PTPRD: variants seen among roughly 807,000 people sequenced by gnomAD.
PTPRD encodes the protein protein tyrosine phosphatase receptor type D.
Under a neutral mutation model 214.5 loss-of-function variants are expected in PTPRD, and 34 were observed. That is an observed-to-expected ratio of 0.16 (90% CI 0.12 to 0.21). The LOEUF (loss-of-function observed/expected upper bound fraction) is 0.21, where lower values mean the gene tolerates loss of function less well. Ranked by LOEUF, PTPRD falls within the 10% of genes least tolerant of loss-of-function variation. The pLI, the probability that PTPRD is intolerant of heterozygous loss-of-function variation, is 1.00. For synonymous variants in PTPRD, 1,128 were observed against 845.7 expected, an observed-to-expected ratio of 1.33 and a Z score of -5.79; for missense variants, 2,545 against 2,398.7, an observed-to-expected ratio of 1.06 and a Z score of -1.27.
intron 44 of PTPRD, among the ~76,000 whole-genome samples, chr9:8,326,147 T>G (rs111930591): frequency 6.6e-6 from 1 of 152,170 alleles, no homozygotes; most frequent in Non-Finnish European, 1.5e-5. Flanking sequence ...TCTCTTGTGC[T>G]ACTTTTCAAA....
At chr9:8,481,908 G>C (rs1477510579) in intron 30 of PTPRD, among the ~76,000 whole-genome samples, 1 of 152,104 alleles carries the variant, frequency 6.6e-6, no homozygotes, top group Non-Finnish European at 1.5e-5. Flanking sequence ...TCAGTCTCCT[G>C]AGTAGCTGGG....
intron 3 of PTPRD, among the ~76,000 whole-genome samples, chr9:10,111,469 A>T (rs921991966): frequency 6.6e-6 from 1 of 150,570 alleles, no homozygotes; most frequent in South Asian, 2.1e-4. Flanking sequence ...CGATCTCCTG[A>T]CCTCGTGATC....
intron 30 of PTPRD, among the ~76,000 whole-genome samples, chr9:8,471,358 T>C (rs1712083640): frequency 6.6e-6 from 1 of 152,044 alleles, no homozygotes; most frequent in African/African-American, 2.4e-5. Flanking sequence ...GCAGGCATAG[T>C]TTGTTAGGGC....
chr9:9,901,943 G>A (rs2076498973), intron 5 of PTPRD, among the ~76,000 whole-genome samples: 1 of 152,180 alleles, frequency 6.6e-6, no homozygotes, highest in African/African-American at 2.4e-5. Context: ...TTTTTATTTA[G>A]ATAGTCGTTA....
At chr9:10,484,123 A>G (rs1177090956) in intron 2 of PTPRD, among the ~76,000 whole-genome samples, 1 of 152,124 alleles carries the variant, frequency 6.6e-6, no homozygotes, top group Admixed American at 6.5e-5. Context: ...GTCATAAAAA[A>G]TGATAAAATA....
At chr9:8,839,678 T>C (rs1224324098) in intron 11 of PTPRD, among the ~76,000 whole-genome samples, 1 of 152,184 alleles carries the variant, frequency 6.6e-6, no homozygotes, top group East Asian at 1.9e-4. Flanking sequence ...ATCAGCATAC[T>C]TCTACATAAC....
chr9:8,331,740 TAGAAGGAAAGCC>T lies in PTPRD; in HGVS notation c.5380-16_5380-5del, dbSNP rs748806607. ...TTACTGTTCGGGACTGGCCGTCCTT[TAGAAGGAAAGCC>T]ACATACCCGGCCGCAAAGGAAGACG... On this transcript the variant is annotated splice_region_variant and splice_polypyrimidine_tract_variant and intron_variant, in intron 43 of 45. Coordinates refer to ENST00000381196, the MANE Select transcript of PTPRD (RefSeq NM_002839.4). 1.3e-6 allele frequency: 2 copies of T among 1,582,750 alleles called. No individual in the cohort carries two copies. Among genetic ancestry groups the T allele is most frequent in the East Asian group, 4.6e-5 (2 of 43,812 alleles).
chr9:8,616,818 T>C (rs2095626240), intron 14 of PTPRD, among the ~76,000 whole-genome samples: 1 of 152,110 alleles, frequency 6.6e-6, no homozygotes, highest in Admixed American at 6.6e-5. Context: ...TTACTCTGGC[T>C]AAAAATACTA....
intron 11 of PTPRD, among the ~76,000 whole-genome samples, chr9:8,765,477 C>A (rs62528806): frequency 3.9e-5 from 6 of 152,088 alleles, no homozygotes; most frequent in Non-Finnish European, 8.8e-5. Flanking sequence ...AAAACCAATC[C>A]CTGCCAGCAA....
At chr9:10,373,980 G>A (rs1053717868) in intron 2 of PTPRD, among the ~76,000 whole-genome samples, 2 of 151,954 alleles carry the variant, frequency 1.3e-5, no homozygotes, top group East Asian at 1.9e-4. Flanking sequence ...TTGGTGTTTG[G>A]TCAGATCATC....
intron 5 of PTPRD, among the ~76,000 whole-genome samples, chr9:9,832,408 A>G (rs1270080583): frequency 2.6e-5 from 4 of 152,132 alleles, no homozygotes; most frequent in Non-Finnish European, 5.9e-5. Context: ...AAAGTTCTAT[A>G]TAGCAGATAT....
At chr9:8,737,992 T>A (rs1217046647) in intron 11 of PTPRD, among the ~76,000 whole-genome samples, 1 of 152,132 alleles carries the variant, frequency 6.6e-6, no homozygotes, top group Non-Finnish European at 1.5e-5. Flanking sequence ...AACTCAACCA[T>A]GTATATGAAT....
chr9:10,475,597 C>T lies in PTPRD; in HGVS notation c.-599-134580G>A, dbSNP rs559685110. 3.1e-4 allele frequency among the ~76,000 whole-genome samples: 47 copies of T among 151,896 alleles called. No individual in the cohort carries two copies. In the South Asian group the frequency reaches 4.8e-3, roughly 15 times the overall value. ...CCATTACTTCTGAAACTATTCCAAA[C>T]AATAGAAAAAAAGGGACTCCTCCTC... is the stretch of plus-strand genomic sequence containing the variant. On this transcript the variant is annotated intron_variant, in intron 2 of 45. Transcript: ENST00000381196.
At chr9:9,452,830 T>A (rs1007478836) in intron 8 of PTPRD, among the ~76,000 whole-genome samples, 1 of 151,512 alleles carries the variant, frequency 6.6e-6, no homozygotes, top group African/African-American at 2.4e-5. Context: ...TAAAGAACAC[T>A]AAGCTATTTC....
intron 3 of PTPRD, among the ~76,000 whole-genome samples, chr9:10,234,112 A>G (rs550535131): frequency 6.6e-6 from 1 of 151,808 alleles, no homozygotes; most frequent in East Asian, 2.0e-4. Flanking sequence ...AAATTAGCCA[A>G]GCATGATGGC....
chr9:8,443,073 A>C (rs1321125753), intron 34 of PTPRD, among the ~76,000 whole-genome samples: 7 of 152,196 alleles, frequency 4.6e-5, no homozygotes, highest in African/African-American at 1.4e-4. Context: ...TAAGCGTGGA[A>C]TGTTGAGGCT....
intron 2 of PTPRD, among the ~76,000 whole-genome samples, chr9:10,441,181 T>G (rs540316334): frequency 1.3e-5 from 2 of 151,834 alleles, no homozygotes; most frequent in East Asian, 3.9e-4. Context: ...CTGATGCATT[T>G]AAAATGAAAA....
intron 5 of PTPRD, among the ~76,000 whole-genome samples, chr9:9,925,814 A>G (rs1566389134): frequency 6.6e-6 from 1 of 151,986 alleles, no homozygotes; most frequent in South Asian, 2.1e-4. Context: ...TCAAATCTAT[A>G]TACTAATCTC....
chr9:9,241,001 T>C (rs2099970108), intron 9 of PTPRD, among the ~76,000 whole-genome samples: 1 of 152,166 alleles, frequency 6.6e-6, no homozygotes, highest in Non-Finnish European at 1.5e-5. Flanking sequence ...AGGTTTCTGA[T>C]AACTTTAAGA....
Sources: gnomAD v4.1 joint callset for allele counts (sites outside exome capture counted in the v4.1 genomes callset) on GRCh38, gnomAD v4.1.1 for gene constraint, MANE v1.5 for transcripts, NCBI Gene and HGNC (gene_info 2026-07-23, HGNC 2026-07-21) for gene names.